PDGFRB: variants seen among roughly 807,000 people sequenced by gnomAD.
The protein encoded by PDGFRB is platelet-derived growth factor receptor beta.
A neutral mutation model predicts 120.2 loss-of-function variants in PDGFRB; 42 were observed. The observed-to-expected ratio is 0.35, with a 90% confidence interval of 0.27 to 0.45. PDGFRB has a LOEUF of 0.45. Among genes scored for constraint, PDGFRB ranks in the 20% least tolerant of loss-of-function variants. PDGFRB has a pLI of 1.00. For missense variants in PDGFRB, 1,149 were observed against 1,476.3 expected (o/e 0.78, Z 3.63); for synonymous variants, 586 against 606.8 (o/e 0.97, Z 0.50).
Position 150,131,995 on chromosome 5 carries a change from G to C in PDGFRB, c.1227C>G (p.Phe409Leu). Reference sequence around the variant, plus strand: ...GCTCATCACCATTGATCTGTAGCTGGAAGGAGAGCTGGACCTCAGCATCCT... The same window carrying C: ...GCTCATCACCATTGATCTGTAGCTGCAAGGAGAGCTGGACCTCAGCATCCT... Reference protein sequence around the residue: ...FHEDAEVQLSFQLQINVPVRV... With the variant: ...FHEDAEVQLSLQLQINVPVRV... The change falls in exon 8 of 23, where the codon TTC becomes TTG. Residue 409 changes from phenylalanine to leucine, a missense_variant. This residue lies in a region of PDGFRB where 879 missense variants were observed against 1,108.6 expected (regional missense o/e 0.79). Transcript: ENST00000261799. The C allele has an allele frequency of 6.3e-7, 1 of 1,584,016 alleles. No individual in the cohort carries two copies. Among genetic ancestry groups the C allele is most frequent in the East Asian group, 2.2e-5 (1 of 44,740 alleles).
At position 150,121,871 on chromosome 5, in the gene PDGFRB, T is replaced by G; in HGVS notation, c.2344+9A>C. 6.2e-7 allele frequency: 1 copy of G among 1,605,538 alleles called. No homozygotes were observed. Among genetic ancestry groups the G allele is most frequent in the South Asian group, 1.1e-5 (1 of 90,894 alleles). On this transcript the variant is annotated intron_variant, in intron 16 of 22. Transcript: ENST00000261799. This position sits in a 1 kb window ranked among gnomAD's most constrained non-coding sequence, Gnocchi z 4.1. ...GGATGTGGGGTACTATGTCACTATG[T>G]CCACCCACCAGAGGGAACGTAGTTA... is the stretch of plus-strand genomic sequence containing the variant.
Position 150,122,007 on chromosome 5 carries a change from G to T in PDGFRB, c.2217C>A (p.Gly739=). The T allele has an allele frequency of 6.2e-7, 1 of 1,613,712 alleles. No individual in the cohort carries two copies. The highest frequency in any genetic ancestry group is 1.7e-5 in the Admixed American group (1 of 60,030). Residue 739 remains glycine, a synonymous_variant, in exon 16 of 23, where the codon GGC becomes GGA. Transcript: ENST00000261799. ...ACTCGTCCTTGCTCATGTCCATGTA[G>T]CCACCGTCGCTCTCCCCGGTCAAGG... The part of the protein sequence containing the change: ...HVSLTGESDG[G]YMDMSKDESV...
chr5:150,114,691 C>T lies in PDGFRB; in HGVS notation c.*1072G>A, dbSNP rs1043485266. 1 of 224,942 alleles carries T rather than the reference C, an allele frequency of 4.4e-6. No individual in the cohort carries two copies. The highest frequency in any genetic ancestry group is 8.5e-6 in the Non-Finnish European group (1 of 117,344). 13.9% of individuals were successfully genotyped at this position (224,942 alleles called of 1,614,324 possible). A position where few individuals can be genotyped will look rare whatever the true frequency, so the allele number is the denominator to read the frequency against. On this transcript the variant is annotated 3_prime_UTR_variant, in exon 23 of 23. Coordinates refer to ENST00000261799, the MANE Select transcript of PDGFRB (RefSeq NM_002609.4). ...GGAATCTCCCAGGAGCCCAGCTGAC[C>T]CCCAGGATGGAAGTTTAGGGTATAT... is the stretch of plus-strand genomic sequence containing the variant.
chr5:150,117,737 G>A lies in PDGFRB; in HGVS notation c.3018C>T (p.Ser1006=), dbSNP rs2229559. ...TGGGCTGCACGGCAGTATAGAGGAC[G>A]GAGCTGGTGTCCAGGGGAGATCGGA... ...HGLRSPLDTS[S]VLYTAVQPNE... Residue 1006 remains serine (S), a synonymous_variant, in exon 22 of 23, where the codon TCC becomes TCT. Coordinates refer to ENST00000261799, the MANE Select transcript of PDGFRB (RefSeq NM_002609.4). 1.4e-5 allele frequency: 23 copies of A among 1,613,406 alleles called. No homozygotes were observed. The East Asian group carries it at 1.8e-4, about 13-fold the overall frequency.
At chr5:150,147,210 CT>C (rs1229858040) in intron 1 of PDGFRB, among the ~76,000 whole-genome samples, 2 of 152,158 alleles carry the variant, frequency 1.3e-5, no homozygotes, top group Non-Finnish European at 2.9e-5. Context: ...GCCAGGGCCT[CT>C]GTAGCTGCAG....
In PDGFRB at chr5:150,134,832, A is replaced by G; in HGVS notation, c.549T>C (p.Phe183=). ...TTTTGCAGATGTAGCTTCTGTCCTC[A>G]AAGATACCAGAAAAGCCACGTTGGT... The part of the protein sequence containing the change: ...YDHQRGFSGI[F]EDRSYICKTT... Residue 183 remains phenylalanine, a synonymous_variant, in exon 4 of 23, where the codon TTT becomes TTC. Transcript: ENST00000261799. 6.2e-7 allele frequency: 1 copy of G among 1,614,172 alleles called. No individual in the cohort carries two copies. Among genetic ancestry groups the G allele is most frequent in the Non-Finnish European group, 8.5e-7 (1 of 1,179,990 alleles).
chr5:150,124,716 G>A lies in PDGFRB; in HGVS notation c.1912+11C>T. ...AAGGCCCAGATGTGGAGGGCTCCAAGGACTACTCACATTTAAGCATCTTGA... is the reference window on the plus strand; with the variant it reads ...AAGGCCCAGATGTGGAGGGCTCCAAAGACTACTCACATTTAAGCATCTTGA... On this transcript the variant is annotated intron_variant, in intron 13 of 22. Coordinates refer to ENST00000261799, the MANE Select transcript of PDGFRB (RefSeq NM_002609.4). The A allele has an allele frequency of 3.0e-6, 4 of 1,340,746 alleles. No homozygotes were observed. Among genetic ancestry groups the A allele is most frequent in the South Asian group, 2.4e-5 (2 of 83,318 alleles). The allele number at this position is 1,340,746 out of a possible 1,614,324, so 83.1% of individuals were successfully genotyped here. A position where few individuals can be genotyped will look rare whatever the true frequency, so the allele number is the denominator to read the frequency against.
intron 10 of PDGFRB, among the ~76,000 whole-genome samples, chr5:150,127,855 A>AAAAAC (rs1760342993): frequency 1.3e-5 from 2 of 150,692 alleles, no homozygotes; most frequent in Non-Finnish European, 3.0e-5. Flanking sequence ...AAAAAAAAAA[A>AAAAAC]AAAACTTTGG....
In PDGFRB at chr5:150,120,827, A is replaced by G; in HGVS notation, c.2586+61T>C. The stretch of plus-strand genomic sequence containing the variant: ...GCTGCAGCCACACTGGTCAGGAGGG[A>G]ATCTGTTCCTGCGGTCACAGGCACT... On this transcript the variant is annotated intron_variant, in intron 18 of 22. Coordinates refer to ENST00000261799, the MANE Select transcript of PDGFRB (RefSeq NM_002609.4). The surrounding 1 kb of genome is among the most constrained non-coding windows in gnomAD (Gnocchi z 4.3). 4 of 1,532,700 alleles carry G rather than the reference A, an allele frequency of 2.6e-6. No homozygotes were observed. The highest frequency in any genetic ancestry group is 3.6e-6 in the Non-Finnish European group (4 of 1,108,256). 94.9% of individuals were successfully genotyped at this position (1,532,700 alleles called of 1,614,324 possible). A position where few individuals can be genotyped will look rare whatever the true frequency, so the allele number is the denominator to read the frequency against.
At chr5:150,138,798 G>A (rs1053832684) in intron 1 of PDGFRB, among the ~76,000 whole-genome samples, 30 of 152,232 alleles carry the variant, frequency 2.0e-4, no homozygotes, top group African/African-American at 7.2e-4. Flanking sequence ...TGCCCCTCTG[G>A]CTGCCCCCTT....
chr5:150,134,782 T>C lies in PDGFRB; in HGVS notation c.599A>G (p.Asp200Gly). 1 of 1,614,012 alleles carries C rather than the reference T, an allele frequency of 6.2e-7. No homozygotes were observed. The highest frequency in any genetic ancestry group is 8.5e-7 in the Non-Finnish European group (1 of 1,179,918). The change falls in exon 4 of 23, where the codon GAT becomes GGT. Residue 200 changes from aspartate (D) to glycine (G), a missense_variant. Physicochemically the swap from Asp to Gly is moderately conservative, Grantham distance 94. Around this residue, in one of 3 missense-constraint regions of PDGFRB, gnomAD observed 879 missense variants for 1,108.6 expected, o/e 0.79. Coordinates refer to ENST00000261799, the MANE Select transcript of PDGFRB (RefSeq NM_002609.4). ...TCTGTAGACATAGTAGGCATCAGAA[T>C]CCACCTCCCTGTCCCCAATGGTGGT... ...CKTTIGDREV[D>G]SDAYYVYRLQ...
chr5:150,126,659 A>C (rs139342112), intron 10 of PDGFRB, 45 bp from the exon 11 acceptor site: 3 of 993,288 alleles, frequency 3.0e-6, no homozygotes, highest in Admixed American at 1.7e-5. Flanking sequence ...CTGGGCAGCT[A>C]CCCTCCCCTC....
rs146614144 is a variant in PDGFRB at position 150,115,809 on chromosome 5, G to A, written c.3275C>T (p.Ser1092Leu). The change falls in exon 23 of 23, where the codon TCG becomes TTG. Residue 1092 changes from serine (S) to leucine (L), a missense_variant. Physicochemically the swap from Ser to Leu is moderately radical, Grantham distance 145. Transcript: ENST00000261799. The part of the protein sequence containing the change: ...PEPELEQLPD[S>L]GCPAPRAEAE... ...TTCCGCCCGAGGCGCAGGGCACCCCGAATCCGGCAACTGTTCCAGCTCTGG... is the reference window on the plus strand; with the variant it reads ...TTCCGCCCGAGGCGCAGGGCACCCCAAATCCGGCAACTGTTCCAGCTCTGG... The A allele has an allele frequency of 1.6e-5, 25 of 1,612,326 alleles. No homozygotes were observed. The highest frequency in any genetic ancestry group is 8.0e-5 in the African/African-American group (6 of 74,874).
rs1054601575 is a variant in PDGFRB, at chr5:150,154,266, C to T, written c.-7+1131G>A. On this transcript the variant is annotated intron_variant, in intron 1 of 22. Transcript: ENST00000261799. Reference sequence around the variant, plus strand: ...GCAAATGCCCACAAGCAGGATGGTGCGCATTCCTTCTGGGAATTCTGGGAT... The same window carrying T: ...GCAAATGCCCACAAGCAGGATGGTGTGCATTCCTTCTGGGAATTCTGGGAT... Among the ~76,000 whole-genome samples, 5 of 152,072 alleles carry T rather than the reference C, an allele frequency of 3.3e-5. No individual in the cohort carries two copies. In the South Asian group the frequency reaches 8.3e-4, roughly 25 times the overall value.
chr5:150,118,816 A>G lies in PDGFRB; in HGVS notation c.2835T>C (p.Phe945=). 1 of 1,612,736 alleles carries G rather than the reference A, an allele frequency of 6.2e-7. No individual in the cohort carries two copies. Among genetic ancestry groups the G allele is most frequent in the Non-Finnish European group, 8.5e-7 (1 of 1,178,790 alleles). ...EIMQKCWEEK[F]EIRPPFSQLV... ...GCTGGGAGAAGGGGGGCCGAATCTC[A>G]AACTTCTCTTCCCAGCACTTCTGCA... Residue 945 remains phenylalanine (F), a synonymous_variant, in exon 21 of 23, where the codon TTT becomes TTC. Transcript: ENST00000261799.
intron 21 of PDGFRB, 38 bp downstream of exon 21, chr5:150,118,709 A>C (rs1760042134): frequency 8.1e-7 from 1 of 1,241,190 alleles, no homozygotes; most frequent in East Asian, 2.3e-5. Flanking sequence ...TCTGCACCAG[A>C]GCTCTCCGTG....
At chr5:150,151,861 CAA>C (rs57873398) in intron 1 of PDGFRB, among the ~76,000 whole-genome samples, 1,028 of 74,380 alleles carry the variant, frequency 0.014, 8 homozygotes, top group East Asian at 0.056. Flanking sequence ...GACTCCATCT[CAA>C]AAAAAAAAAA....
chr5:150,118,238 G>A (rs142011161), intron 21 of PDGFRB, among the ~76,000 whole-genome samples: 1 of 152,214 alleles, frequency 6.6e-6, no homozygotes, highest in African/African-American at 2.4e-5. Context: ...GGGGGGCAGT[G>A]GGGGTGAGAA....
chr5:150,142,359 T>C (rs926037993), intron 1 of PDGFRB, among the ~76,000 whole-genome samples: 2 of 152,160 alleles, frequency 1.3e-5, no homozygotes, highest in Non-Finnish European at 2.9e-5. Flanking sequence ...CACACCTCTG[T>C]CCTGCCACAC....
Sources: gnomAD v4.1 joint callset for allele counts (sites outside exome capture counted in the v4.1 genomes callset) on GRCh38, gnomAD v4.1.1 for gene constraint, gnomAD v4.1.1 regional missense constraint, Gnocchi (gnomAD v3.1) non-coding constraint, MANE v1.5 for transcripts, NCBI Gene and HGNC (gene_info 2026-07-23, HGNC 2026-07-21) for gene names.